ZBTB44: variants seen among roughly 807,000 people sequenced by gnomAD.
ZBTB44 encodes zinc finger and BTB domain containing 44.
In ZBTB44, 15 loss-of-function variants were observed where a neutral mutation model predicts 54.0. The observed-to-expected ratio is 0.28, with a 90% CI of 0.19 to 0.43. The LOEUF (loss-of-function observed/expected upper bound fraction) is 0.43, where lower values mean the gene tolerates loss of function less well. Among genes scored for constraint, ZBTB44 ranks in the 20% least tolerant of loss-of-function variants. ZBTB44 has a pLI of 1.00. For synonymous variants in ZBTB44, 230 were observed against 250.1 expected (o/e 0.92, Z 0.76); for missense variants, 487 against 707.1 (o/e 0.69, Z 3.53).
chr11:130,264,782 ATCT>A (rs1939131709), intron 1 of ZBTB44, among the ~76,000 whole-genome samples: 1 of 152,190 alleles, frequency 6.6e-6, no homozygotes, highest in Non-Finnish European at 1.5e-5. Flanking sequence ...GACATACCTC[ATCT>A]TCTTGCACTT....
chr11:130,298,181 T>C (rs996106700), intron 1 of ZBTB44, among the ~76,000 whole-genome samples: 1 of 152,100 alleles, frequency 6.6e-6, no homozygotes, highest in African/African-American at 2.4e-5. Flanking sequence ...TCTTACTCTG[T>C]TGCCTAGATT....
At chr11:130,260,625 G>GT (rs1938796070) in intron 2 of ZBTB44, among the ~76,000 whole-genome samples, 1 of 152,106 alleles carries the variant, frequency 6.6e-6, no homozygotes, top group Admixed American at 6.5e-5. Flanking sequence ...TTGTGTATGT[G>GT]TATCTGCCTT....
At chr11:130,269,848 G>A (rs1026245016) in intron 1 of ZBTB44, among the ~76,000 whole-genome samples, 1 of 151,958 alleles carries the variant, frequency 6.6e-6, no homozygotes, top group South Asian at 2.1e-4. Flanking sequence ...ATAGCCAAGA[G>A]GATTAAATTA....
intron 1 of ZBTB44, among the ~76,000 whole-genome samples, chr11:130,267,577 A>C (rs965854176): frequency 6.6e-6 from 1 of 151,754 alleles, no homozygotes; most frequent in Admixed American, 6.6e-5. Context: ...GCTAATTTTT[A>C]AATTTTTTTA....
At chr11:130,269,029 G>A (rs1388852650) in intron 1 of ZBTB44, among the ~76,000 whole-genome samples, 1 of 151,204 alleles carries the variant, frequency 6.6e-6, no homozygotes, top group Non-Finnish European at 1.5e-5. Context: ...GGTGGCTCAT[G>A]CCTGTAATCC....
intron 1 of ZBTB44, among the ~76,000 whole-genome samples, chr11:130,306,501 CAA>C (rs569135269): frequency 5.8e-5 from 8 of 136,972 alleles, no homozygotes; most frequent in Admixed American, 1.5e-4. Flanking sequence ...AAACTCCACT[CAA>C]AAAAAAAAAA....
rs1262597851 is a variant in ZBTB44 at position 130,303,120 on chromosome 11, C to T, written c.-57+11255G>A. ...GATATGCTTATCTGCCAAGAATAGGCAAGGATCAGATACCTAACAGGTTAA... is the reference window on the plus strand; with the variant it reads ...GATATGCTTATCTGCCAAGAATAGGTAAGGATCAGATACCTAACAGGTTAA... On this transcript the variant is annotated intron_variant, in intron 1 of 7. Coordinates refer to ENST00000357899, the MANE Select transcript of ZBTB44 (RefSeq NM_001301098.2). Among the ~76,000 whole-genome samples the T allele has an allele frequency of 3.9e-5, 6 of 152,084 alleles. No individual in the cohort carries two copies. In the East Asian group the frequency reaches 1.2e-3, roughly 29 times the overall value.
chr11:130,232,165 T>C (rs1953898278), intron 7 of ZBTB44: 1 of 152,124 alleles, frequency 6.6e-6, no homozygotes, highest in African/African-American at 2.4e-5. Context: ...ATTACAGAAT[T>C]AGCCAATCTA....
chr11:130,252,607 T>A (rs1281340283), intron 2 of ZBTB44, among the ~76,000 whole-genome samples: 1 of 152,042 alleles, frequency 6.6e-6, no homozygotes, highest in African/African-American at 2.4e-5. Context: ...AAATTAGAAC[T>A]CAGGATTAAG....
chr11:130,236,250 AATATTACAAGAAT>A (rs1954103974), intron 5 of ZBTB44: 1 of 1,276,894 alleles, frequency 7.8e-7, no homozygotes, highest in Admixed American at 2.3e-5. Flanking sequence ...ATTATAAATT[AATATTACAAGAAT>A]AGAGCTCTAA....
chr11:130,287,714 A>T (rs988377091), intron 1 of ZBTB44, among the ~76,000 whole-genome samples: 4 of 152,194 alleles, frequency 2.6e-5, no homozygotes, highest in Non-Finnish European at 1.5e-5. Context: ...TGATTGGAGA[A>T]ATGGAAAAAC....
At position 130,314,774 on chromosome 11, in the gene ZBTB44, G is replaced by C. The variant is rs1421017894; in HGVS notation, c.-456C>G. ...CGGCTCGCGTGTTCCCAGCGGGGCG[G>C]GGTGGGGAAGGGGAAGGGGACTGAG... On this transcript the variant is annotated 5_prime_UTR_variant, in exon 1 of 8. Coordinates refer to ENST00000357899, the MANE Select transcript of ZBTB44 (RefSeq NM_001301098.2). The C allele has an allele frequency of 6.6e-6, 1 of 150,908 alleles. No homozygotes were observed. Among genetic ancestry groups the C allele is most frequent in the African/African-American group, 2.4e-5 (1 of 41,066 alleles). The allele number at this position is 150,908 out of a possible 1,614,324, so 9.3% of individuals were successfully genotyped here. A position where few individuals can be genotyped will look rare whatever the true frequency, so the allele number is the denominator to read the frequency against.
chr11:130,282,449 A>G (rs976633118), intron 1 of ZBTB44, among the ~76,000 whole-genome samples: 4 of 152,268 alleles, frequency 2.6e-5, no homozygotes, highest in Non-Finnish European at 5.9e-5. Flanking sequence ...AGGTTCTTCC[A>G]CAATGTACTA....
At chr11:130,265,177 C>CCTA (rs1336714308) in intron 1 of ZBTB44, among the ~76,000 whole-genome samples, 1 of 152,054 alleles carries the variant, frequency 6.6e-6, no homozygotes, top group African/African-American at 2.4e-5. Context: ...AATTAATAAC[C>CCTA]CTACGATGGC....
rs1591906442 is a variant in ZBTB44, at chr11:130,226,830, C to T, written c.*4934G>A. 6.6e-6 allele frequency: 1 copy of T among 151,906 alleles called. No individual in the cohort carries two copies. The highest frequency in any genetic ancestry group is 1.5e-5 in the Non-Finnish European group (1 of 67,996). 9.4% of individuals were successfully genotyped at this position (151,906 alleles called of 1,614,324 possible). ...TTATGTGTGACCATGTAATAAAGGC[C>T]AGTTTAAAGATTTTTTTTTTAAAAA... On this transcript the variant is annotated 3_prime_UTR_variant, in exon 8 of 8. Transcript: ENST00000357899.
At chr11:130,240,735 C>A (rs897766076) in intron 2 of ZBTB44, among the ~76,000 whole-genome samples, 4 of 152,138 alleles carry the variant, frequency 2.6e-5, no homozygotes, top group Non-Finnish European at 5.9e-5. Context: ...TTTCCTCCTC[C>A]CATTCTCTCA....
chr11:130,274,231 A>G (rs1406494847), intron 1 of ZBTB44, among the ~76,000 whole-genome samples: 2 of 152,338 alleles, frequency 1.3e-5, no homozygotes, highest in East Asian at 1.9e-4. Flanking sequence ...TTGGTGCTCA[A>G]AACACTTTGC....
At chr11:130,260,827 C>A in intron 2 of ZBTB44, 29 bp downstream of exon 2, 2 of 1,558,602 alleles carry the variant, frequency 1.3e-6, no homozygotes, top group Admixed American at 2.0e-5. Flanking sequence ...GACTTTATAG[C>A]ACCAAGAAAA....
chr11:130,267,712 T>C (rs1449318337), intron 1 of ZBTB44, among the ~76,000 whole-genome samples: 1 of 152,114 alleles, frequency 6.6e-6, no homozygotes, highest in Non-Finnish European at 1.5e-5. Flanking sequence ...AACTCTGATT[T>C]TGAAAGAAGT....
Sources: gnomAD v4.1 joint callset for allele counts (sites outside exome capture counted in the v4.1 genomes callset) on GRCh38, gnomAD v4.1.1 for gene constraint, MANE v1.5 for transcripts, NCBI Gene and HGNC (gene_info 2026-07-23, HGNC 2026-07-21) for gene names.